The following KIAA0825 variants were observed in gnomAD, a reference collection of about 807,000 sequenced individuals.
KIAA0825 encodes the protein uncharacterized protein KIAA0825.
Under a neutral mutation model 147.6 loss-of-function variants are expected in KIAA0825, and 119 were observed. The observed-to-expected ratio is 0.81, with a 90% CI of 0.69 to 0.94. The LOEUF (loss-of-function observed/expected upper bound fraction) is 0.94, where lower values mean the gene tolerates loss of function less well. Among genes scored for constraint, KIAA0825 ranks in the 40% least tolerant of loss-of-function variants. The pLI is 0.00. For synonymous variants in KIAA0825, 470 were observed against 518.1 expected (o/e 0.91, Z 1.26); for missense variants, 1,381 against 1,472.7 (o/e 0.94, Z 1.02).
At chr5:94,293,251 G>A (rs1777982898) in intron 20 of KIAA0825, among the ~76,000 whole-genome samples, 1 of 152,138 alleles carries the variant, frequency 6.6e-6, no homozygotes, top group Non-Finnish European at 1.5e-5. Flanking sequence ...GGCATTTAGT[G>A]CTATCAATTT....
At chr5:94,418,617 G>A (rs1030110439) in intron 14 of KIAA0825, among the ~76,000 whole-genome samples, 2 of 152,018 alleles carry the variant, frequency 1.3e-5, no homozygotes, top group African/African-American at 4.8e-5. Flanking sequence ...GGTATCCAAT[G>A]AGAACCTTCT....
chr5:94,225,903 T>C (rs544642471), intron 20 of KIAA0825, among the ~76,000 whole-genome samples: 1 of 152,266 alleles, frequency 6.6e-6, no homozygotes, highest in East Asian at 1.9e-4. Flanking sequence ...CCTAAAACCA[T>C]AAAAACCCTA....
chr5:94,407,436 A>G (rs1431547649), intron 15 of KIAA0825, among the ~76,000 whole-genome samples: 1 of 152,238 alleles, frequency 6.6e-6, no homozygotes. Flanking sequence ...CAAAAAGTGG[A>G]AACAACACAA....
intron 14 of KIAA0825, among the ~76,000 whole-genome samples, chr5:94,432,399 C>A (rs1229236335): frequency 6.6e-6 from 1 of 152,132 alleles, no homozygotes; most frequent in Non-Finnish European, 1.5e-5. Flanking sequence ...CACTACCTCC[C>A]CTAGAAGCAC....
intron 20 of KIAA0825, among the ~76,000 whole-genome samples, chr5:94,374,880 C>T (rs1190613338): frequency 1.3e-5 from 2 of 152,122 alleles, no homozygotes; most frequent in Non-Finnish European, 2.9e-5. Context: ...CCTTGAATTC[C>T]ATCTTGGCAT....
chr5:94,608,402 C>T, intron 1 of KIAA0825, among the ~76,000 whole-genome samples: 1 of 83,368 alleles, frequency 1.2e-5, no homozygotes, highest in Non-Finnish European at 2.4e-5. Context: ...ACTGGGACTA[C>T]AGGTGTGTGC....
Position 94,473,421 on chromosome 5 carries a change from T to G in KIAA0825, c.1326A>C (p.Lys442Asn). 1 of 1,552,034 alleles carries G rather than the reference T, an allele frequency of 6.4e-7. No individual in the cohort carries two copies. Among genetic ancestry groups the G allele is most frequent in the Non-Finnish European group, 8.7e-7 (1 of 1,147,066 alleles). Residue 442 changes from lysine (K) to asparagine (N), a missense_variant, in exon 8 of 21, where the codon AAA becomes AAC. Coordinates refer to ENST00000682413, the MANE Select transcript of KIAA0825 (RefSeq NM_001145678.3). ...VVTAIEGFST[K>N]ILQQEQNERS... is the part of the protein sequence containing the mutation. ...TTTCATTCTGTTCCTGTTGGAGAAT[T>G]TTTGTGGAAAAACCTTCAATTGCAG... is the stretch of plus-strand genomic sequence containing the variant.
intron 20 of KIAA0825, among the ~76,000 whole-genome samples, chr5:94,230,157 G>A (rs1774562707): frequency 6.6e-6 from 1 of 152,090 alleles, no homozygotes; most frequent in Non-Finnish European, 1.5e-5. Flanking sequence ...TGAGGCTCTT[G>A]TCTCTAGGGC....
intron 20 of KIAA0825, among the ~76,000 whole-genome samples, chr5:94,332,529 T>C (rs1353137285): frequency 2.0e-5 from 3 of 152,170 alleles, no homozygotes; most frequent in Non-Finnish European, 2.9e-5. Context: ...TCCACCTTTA[T>C]CCATGTCCCT....
In KIAA0825 at chr5:94,530,487, G is replaced by A. The variant is rs116389165; in HGVS notation, c.132-6389C>T. ...CTTAAAGTAGAAAATAAAGGCAACA[G>A]CTTCCAGCCCCTTCCCATCCCAGCT... On this transcript the variant is annotated intron_variant, in intron 3 of 20. Coordinates refer to ENST00000682413, the MANE Select transcript of KIAA0825 (RefSeq NM_001145678.3). Among the ~76,000 whole-genome samples the A allele has an allele frequency of 8.1e-3, 1,233 of 152,104 alleles. 24 individuals carry two copies. Among genetic ancestry groups the A allele is most frequent in the African/African-American group, 0.028 (1,179 of 41,514 alleles).
At chr5:94,270,461 T>C (rs1393441321) in intron 20 of KIAA0825, among the ~76,000 whole-genome samples, 1 of 152,064 alleles carries the variant, frequency 6.6e-6, no homozygotes, top group Non-Finnish European at 1.5e-5. Flanking sequence ...TTCAGGAATT[T>C]CCTGAGCAAA....
At chr5:94,181,675 T>C (rs998331099) in intron 20 of KIAA0825, among the ~76,000 whole-genome samples, 4 of 152,176 alleles carry the variant, frequency 2.6e-5, no homozygotes, top group African/African-American at 7.2e-5. Context: ...GGAGGATAGC[T>C]AGGAGAGAAC....
intron 16 of KIAA0825, among the ~76,000 whole-genome samples, chr5:94,402,229 G>C (rs1751474160): frequency 1.3e-5 from 2 of 152,076 alleles, no homozygotes; most frequent in Non-Finnish European, 2.9e-5. Flanking sequence ...CTTTGCAATG[G>C]TATGGAGGAA....
intron 20 of KIAA0825, among the ~76,000 whole-genome samples, chr5:94,193,724 CAG>C (rs1354203126): frequency 2.6e-5 from 4 of 152,168 alleles, no homozygotes; most frequent in African/African-American, 9.7e-5. Context: ...AACTGAGGCA[CAG>C]AGATGTTGAG....
At chr5:94,266,764 T>C (rs1269765495) in intron 20 of KIAA0825, among the ~76,000 whole-genome samples, 1 of 152,184 alleles carries the variant, frequency 6.6e-6, no homozygotes, top group Non-Finnish European at 1.5e-5. Context: ...ATAACTTATG[T>C]TAATATGTAA....
At chr5:94,367,996 CTG>C (rs1189972883) in intron 20 of KIAA0825, among the ~76,000 whole-genome samples, 2 of 152,134 alleles carry the variant, frequency 1.3e-5, no homozygotes, top group Non-Finnish European at 2.9e-5. Flanking sequence ...AATAAAAACT[CTG>C]TATCTTTACA....
At chr5:94,476,809 G>A (rs748230050) in intron 7 of KIAA0825, among the ~76,000 whole-genome samples, 9 of 151,870 alleles carry the variant, frequency 5.9e-5, no homozygotes, top group South Asian at 2.1e-4. Context: ...CCATTTTCTC[G>A]CTATTCGACA....
At chr5:94,234,510 T>G (rs1355634859) in intron 20 of KIAA0825, among the ~76,000 whole-genome samples, 1 of 152,174 alleles carries the variant, frequency 6.6e-6, no homozygotes, top group Non-Finnish European at 1.5e-5. Flanking sequence ...CTGGATAATT[T>G]ATAAAGAAAA....
At chr5:94,301,008 A>C (rs555601974) in intron 20 of KIAA0825, among the ~76,000 whole-genome samples, 2 of 152,296 alleles carry the variant, frequency 1.3e-5, no homozygotes, top group Admixed American at 6.5e-5. Flanking sequence ...GGTGGATGAT[A>C]GGAAATTCAT....
Sources: gnomAD v4.1 joint callset for allele counts (sites outside exome capture counted in the v4.1 genomes callset) on GRCh38, gnomAD v4.1.1 for gene constraint, MANE v1.5 for transcripts, NCBI Gene and HGNC (gene_info 2026-07-23, HGNC 2026-07-21) for gene names.